Variants in PRKCH observed in about 807,000 individuals in gnomAD.
The protein encoded by PRKCH is protein kinase C eta type.
PRKCH carries 28 observed loss-of-function variants against 82.5 expected under a neutral mutation model. The observed-to-expected ratio is 0.34, with a 90% CI of 0.25 to 0.47. PRKCH has a LOEUF of 0.47. PRKCH is among the 20% of genes least tolerant of loss of function. The pLI is 1.00. For missense variants in PRKCH, 705 were observed against 881.8 expected (o/e 0.80, Z 2.54); for synonymous variants, 322 against 327.4 (o/e 0.98, Z 0.18).
At position 61,387,644 on chromosome 14, in the gene PRKCH, A is replaced by G. The variant is rs775630152; in HGVS notation, c.364-3581A>G. On this transcript the variant is annotated intron_variant, in intron 1 of 13. Transcript: ENST00000332981. Reference sequence around the variant, plus strand: ...CGTGAATAAATGATAACAGCCCATCAGCAGTGTATAGAAGGAACAAATAAC... The same window carrying G: ...CGTGAATAAATGATAACAGCCCATCGGCAGTGTATAGAAGGAACAAATAAC... 1.7e-4 allele frequency among the ~76,000 whole-genome samples: 26 copies of G among 152,238 alleles called. 1 individual carries two copies. The highest frequency in any genetic ancestry group is 3.4e-4 in the Non-Finnish European group (23 of 68,046).
chr14:61,452,007 C>G (rs1033064201), intron 6 of PRKCH, among the ~76,000 whole-genome samples: 6 of 152,222 alleles, frequency 3.9e-5, no homozygotes, highest in Middle Eastern at 3.2e-3. Flanking sequence ...GCGTGACGGT[C>G]TCACCTGGGT....
chr14:61,266,520 A>G (rs1330804006), intron 1 of PRKCH, among the ~76,000 whole-genome samples: 3 of 152,246 alleles, frequency 2.0e-5, no homozygotes, highest in Non-Finnish European at 4.4e-5. Context: ...CATTTTTAAA[A>G]GCAAGGAACT....
intron 10 of PRKCH, among the ~76,000 whole-genome samples, chr14:61,500,715 G>C (rs1278729664): frequency 1.3e-5 from 2 of 152,116 alleles, no homozygotes; most frequent in African/African-American, 4.8e-5. Flanking sequence ...GGATCTCTGT[G>C]CACAGCCCAC....
chr14:61,503,501 G>C (rs537958754), intron 10 of PRKCH, among the ~76,000 whole-genome samples: 1 of 152,224 alleles, frequency 6.6e-6, no homozygotes, highest in East Asian at 1.9e-4. Flanking sequence ...CGTTGTATCT[G>C]TTCAACTGCC....
Position 61,524,977 on chromosome 14 carries a change from A to G in PRKCH, c.1434-4098A>G, listed in dbSNP as rs1294027023. On this transcript the variant is annotated intron_variant, in intron 10 of 13. Transcript: ENST00000332981. ...GAGTGTCCTTCCATCCCCTAAAAAT[A>G]AGATAGGCTCTGAGTTGGCCAGGGC... 3.9e-5 allele frequency: 6 copies of G among 152,224 alleles called. 1 individual carries two copies. In the East Asian group the frequency reaches 9.6e-4, roughly 24 times the overall value. 9.4% of individuals were successfully genotyped at this position (152,224 alleles called of 1,614,324 possible).
intron 9 of PRKCH, among the ~76,000 whole-genome samples, chr14:61,467,736 G>A (rs1885323348): frequency 6.6e-6 from 1 of 152,214 alleles, no homozygotes; most frequent in African/African-American, 2.4e-5. Context: ...GAGGGGATGA[G>A]CGAAGAAGGA....
chr14:61,434,577 G>A (rs1883586127), intron 2 of PRKCH, among the ~76,000 whole-genome samples: 1 of 152,192 alleles, frequency 6.6e-6, no homozygotes, highest in African/African-American at 2.4e-5. Context: ...GAACATTTTT[G>A]TAGAAGGAAA....
At chr14:61,490,252 G>C (rs552480634) in intron 10 of PRKCH, among the ~76,000 whole-genome samples, 1 of 152,152 alleles carries the variant, frequency 6.6e-6, no homozygotes, top group Non-Finnish European at 1.5e-5. Context: ...CTGACATGCC[G>C]CCTTTTACTC....
chr14:61,484,138 G>A (rs189125657), intron 9 of PRKCH, among the ~76,000 whole-genome samples: 135 of 152,052 alleles, frequency 8.9e-4, no homozygotes, highest in African/African-American at 3.2e-3. Flanking sequence ...GGTATCACGG[G>A]GTCCCAAGTC....
At chr14:61,542,370 GAAA>G (rs61011878) in intron 12 of PRKCH, among the ~76,000 whole-genome samples, 81,248 of 148,028 alleles carry the variant, frequency 0.55, 26,987 homozygotes, top group Non-Finnish European at 0.75. Flanking sequence ...TTTCTGTCAG[GAAA>G]AAAAAAAAAA....
intron 1 of PRKCH, among the ~76,000 whole-genome samples, chr14:61,296,833 A>G (rs961231451): frequency 1.3e-5 from 2 of 152,244 alleles, no homozygotes; most frequent in Admixed American, 6.5e-5. Flanking sequence ...TTGAAGAGTG[A>G]AAGTAGAAAG....
Position 61,531,335 on chromosome 14 carries a change from A to G in PRKCH, c.1761+740A>G, listed in dbSNP as rs572056018. Among the ~76,000 whole-genome samples the G allele has an allele frequency of 5.9e-5, 9 of 152,330 alleles. No homozygotes were observed. The East Asian group carries it at 1.5e-3, about 26-fold the overall frequency. ...CCTACTATATGCAGAGGGGTTGTAA[A>G]GGCAAATAAAAGATCAGTTTTTCAA... On this transcript the variant is annotated intron_variant, in intron 12 of 13. Coordinates refer to ENST00000332981, the MANE Select transcript of PRKCH (RefSeq NM_006255.5).
At chr14:61,249,724 G>A (rs182482744) in intron 1 of PRKCH, among the ~76,000 whole-genome samples, 10,290 of 151,786 alleles carry the variant, frequency 0.068, 389 homozygotes, top group Middle Eastern at 0.11. Context: ...GGATTCAAGC[G>A]ATTCTCCTGC....
chr14:61,398,237 T>G (rs566060229), intron 2 of PRKCH, among the ~76,000 whole-genome samples: 2 of 152,236 alleles, frequency 1.3e-5, no homozygotes, highest in Non-Finnish European at 2.9e-5. Flanking sequence ...GATTCCATCA[T>G]TGTTGCCATG....
chr14:61,425,720 G>T (rs536619335), intron 2 of PRKCH, among the ~76,000 whole-genome samples: 1 of 152,336 alleles, frequency 6.6e-6, no homozygotes, highest in East Asian at 1.9e-4. Flanking sequence ...AATGTGAAAA[G>T]ATATGAGATT....
chr14:61,315,198 T>G (rs886685775), intron 1 of PRKCH, among the ~76,000 whole-genome samples: 1 of 152,180 alleles, frequency 6.6e-6, no homozygotes, highest in African/African-American at 2.4e-5. Flanking sequence ...ACCCCTGCCC[T>G]GCAAACCACT....
chr14:61,450,017 G>A (rs1884426903), intron 5 of PRKCH, among the ~76,000 whole-genome samples: 1 of 152,168 alleles, frequency 6.6e-6, no homozygotes, highest in Non-Finnish European at 1.5e-5. Flanking sequence ...AGCAGATGGA[G>A]TGTTGCTGAC....
intron 10 of PRKCH, among the ~76,000 whole-genome samples, chr14:61,503,228 C>T (rs1316406793): frequency 6.6e-6 from 1 of 150,996 alleles, no homozygotes; most frequent in Non-Finnish European, 1.5e-5. Flanking sequence ...TGCAAATAGA[C>T]AGGTTCAAAC....
chr14:61,227,549 C>A (rs887020053), intron 1 of PRKCH, among the ~76,000 whole-genome samples: 2 of 152,036 alleles, frequency 1.3e-5, no homozygotes, highest in African/African-American at 2.4e-5. Context: ...AGCAGAGATG[C>A]GCCACTGCAC....
Sources: gnomAD v4.1 joint callset for allele counts (sites outside exome capture counted in the v4.1 genomes callset) on GRCh38, gnomAD v4.1.1 for gene constraint, MANE v1.5 for transcripts, NCBI Gene and HGNC (gene_info 2026-07-23, HGNC 2026-07-21) for gene names.